GABRR2: variants seen among roughly 807,000 people sequenced by gnomAD.
GABRR2 encodes the protein gamma-aminobutyric acid receptor subunit rho-2.
GABRR2 carries 36 observed loss-of-function variants against 47.0 expected under a neutral mutation model. The ratio of observed to expected loss-of-function variants is 0.77; its 90% CI spans 0.59 to 1.01. GABRR2 has a LOEUF of 1.01. GABRR2 is among the 50% of genes least tolerant of loss of function. GABRR2 has a pLI of 0.00. For synonymous variants in GABRR2, 204 were observed against 227.5 expected (o/e 0.90, Z 0.93); for missense variants, 587 against 594.6 (o/e 0.99, Z 0.13).
chr6:89,303,640 T>A (rs1582464397), intron 1 of GABRR2, among the ~76,000 whole-genome samples: 4 of 111,884 alleles, frequency 3.6e-5, no homozygotes, highest in African/African-American at 7.0e-5. Flanking sequence ...AAAGCAATCT[T>A]AAGGAGGAAA....
intron 1 of GABRR2, chr6:89,302,679 C>T (rs1767477114): frequency 5.4e-6 from 7 of 1,303,338 alleles, no homozygotes; most frequent in Admixed American, 3.6e-5. Context: ...CCGCGACCGG[C>T]ACCACGGCTG....
intron 2 of GABRR2, among the ~76,000 whole-genome samples, chr6:89,289,956 C>T (rs2127843389): frequency 6.6e-6 from 1 of 152,224 alleles, no homozygotes; most frequent in East Asian, 1.9e-4. Context: ...TGCTTTATAA[C>T]AACCTACTCT....
intron 2 of GABRR2, among the ~76,000 whole-genome samples, chr6:89,286,573 G>GA (rs367876413): frequency 6.1e-4 from 89 of 145,002 alleles, no homozygotes; most frequent in East Asian, 2.6e-3. Context: ...AAAACAAAAT[G>GA]AAAAAAAAAA....
At chr6:89,273,976 T>C (rs1774111132) in intron 2 of GABRR2, among the ~76,000 whole-genome samples, 1 of 152,186 alleles carries the variant, frequency 6.6e-6, no homozygotes. Context: ...CTTGGATTCA[T>C]GTTCTAGTGG....
chr6:89,304,957 G>A (rs1767533393), intron 1 of GABRR2, among the ~76,000 whole-genome samples: 1 of 152,220 alleles, frequency 6.6e-6, no homozygotes, highest in Non-Finnish European at 1.5e-5. Flanking sequence ...CTAAAGGAAT[G>A]TAAATTGTTT....
At chr6:89,290,012 A>C (rs1038691746) in intron 2 of GABRR2, among the ~76,000 whole-genome samples, 1 of 152,140 alleles carries the variant, frequency 6.6e-6, no homozygotes, top group African/African-American at 2.4e-5. Context: ...GTCTCTTGAG[A>C]GTGAGAACTC....
rs1190254190 is a variant in GABRR2 at position 89,254,560 on chromosome 6, C to G, written c.*3110G>C. On this transcript the variant is annotated 3_prime_UTR_variant, in exon 9 of 9. Coordinates refer to ENST00000402938, the MANE Select transcript of GABRR2 (RefSeq NM_002043.5). ...GATTCATATTATAATCATTGGCATT[C>G]CAGAATTTGATTGTTAGTATTTTTT... Among the ~76,000 whole-genome samples the G allele has an allele frequency of 6.6e-6, 1 of 152,096 alleles. No homozygotes were observed. The highest frequency in any genetic ancestry group is 1.9e-4 in the East Asian group (1 of 5,198).
chr6:89,263,399 G>A (rs1331978448), intron 8 of GABRR2, among the ~76,000 whole-genome samples: 3 of 152,140 alleles, frequency 2.0e-5, no homozygotes, highest in African/African-American at 7.2e-5. Flanking sequence ...TTTTGGAGGA[G>A]CCAAAAGTTA....
At chr6:89,301,064 C>T (rs1286807267) in intron 1 of GABRR2, among the ~76,000 whole-genome samples, 1 of 152,124 alleles carries the variant, frequency 6.6e-6, no homozygotes, top group Non-Finnish European at 1.5e-5. Context: ...GGCTTCAATC[C>T]CAGGATGCAA....
chr6:89,312,229 A>C (rs532165141), intron 1 of GABRR2, among the ~76,000 whole-genome samples: 1 of 152,342 alleles, frequency 6.6e-6, no homozygotes, highest in East Asian at 1.9e-4. Context: ...AGGAGTAGGA[A>C]TAAAGTTGGA....
chr6:89,302,826 G>C, intron 1 of GABRR2: 1 of 1,403,794 alleles, frequency 7.1e-7, no homozygotes, highest in East Asian at 2.8e-5. Context: ...GGACGTGTGT[G>C]ACATCCCACC....
chr6:89,295,073 C>T (rs1052256238), intron 2 of GABRR2, among the ~76,000 whole-genome samples: 6 of 152,036 alleles, frequency 3.9e-5, no homozygotes, highest in African/African-American at 1.4e-4. Context: ...CAAGTCTTTG[C>T]TATTGTGAAT....
At chr6:89,302,451 C>T in intron 1 of GABRR2, 1 of 596,496 alleles carries the variant, frequency 1.7e-6, no homozygotes, top group East Asian at 4.4e-5. Context: ...GGGACCTCAG[C>T]CACCTGACAT....
intron 2 of GABRR2, among the ~76,000 whole-genome samples, chr6:89,279,555 G>A (rs1482213120): frequency 2.0e-5 from 3 of 151,830 alleles, no homozygotes; most frequent in Non-Finnish European, 2.9e-5. Context: ...CACCCAGGTA[G>A]GAGTGCAGTG....
chr6:89,280,974 T>A (rs1477436561), intron 2 of GABRR2, among the ~76,000 whole-genome samples: 1 of 152,244 alleles, frequency 6.6e-6, no homozygotes, highest in African/African-American at 2.4e-5. Flanking sequence ...TGAAATGAAT[T>A]GAAGCAAAAA....
chr6:89,299,440 G>A (rs1357322905), intron 2 of GABRR2, among the ~76,000 whole-genome samples: 1 of 152,126 alleles, frequency 6.6e-6, no homozygotes, highest in Non-Finnish European at 1.5e-5. Flanking sequence ...AAATGACAGA[G>A]GAGCTATTTT....
intron 2 of GABRR2, among the ~76,000 whole-genome samples, chr6:89,288,793 C>A (rs910689368): frequency 2.0e-5 from 3 of 152,114 alleles, no homozygotes; most frequent in African/African-American, 7.2e-5. Context: ...AGGTGTGCAC[C>A]ACCAAGCTCA....
rs764644226 is a variant in GABRR2, at chr6:89,257,642, C to G, written c.*28G>C. On this transcript the variant is annotated 3_prime_UTR_variant, in exon 9 of 9. Transcript: ENST00000402938. The stretch of plus-strand genomic sequence containing the variant: ...TGGCCAGGCCCCCTCGATGTCTATG[C>G]CCTCTTCTAGGAACAGCCTTGGAGC... 2.5e-5 allele frequency: 40 copies of G among 1,572,252 alleles called. No homozygotes were observed. The highest frequency in any genetic ancestry group is 3.5e-5 in the Non-Finnish European group (40 of 1,153,360).
chr6:89,267,564 C>T, intron 6 of GABRR2, 115 bp downstream of exon 6: 1 of 1,109,874 alleles, frequency 9.0e-7, no homozygotes, highest in East Asian at 2.4e-5. Flanking sequence ...GAGACCTTGT[C>T]TCAAAACAAA....
Sources: gnomAD v4.1 joint callset for allele counts (sites outside exome capture counted in the v4.1 genomes callset) on GRCh38, gnomAD v4.1.1 for gene constraint, MANE v1.5 for transcripts, NCBI Gene and HGNC (gene_info 2026-07-23, HGNC 2026-07-21) for gene names.